PCDH11X: variants seen among roughly 807,000 people sequenced by gnomAD.
The protein encoded by PCDH11X is protocadherin 11 X-linked.
PCDH11X carries 18 observed loss-of-function variants against 53.3 expected under a neutral mutation model. That is an observed-to-expected ratio of 0.34 (90% CI 0.23 to 0.50). PCDH11X has a LOEUF of 0.50. PCDH11X is among the 20% of genes least tolerant of loss of function. The probability of loss-of-function intolerance (pLI) is 0.98; values close to 1 mark genes in which losing one functional copy is unlikely to be tolerated. For synonymous variants in PCDH11X, 279 were observed against 393.3 expected (o/e 0.71, Z 3.44); for missense variants, 570 against 1,032.4 (o/e 0.55, Z 6.14).
chrX:91,811,997 T>A (rs2147561562), intron 4 of PCDH11X, among the ~76,000 whole-genome samples: 1 of 105,465 alleles, frequency 9.5e-6, no homozygotes, highest in South Asian at 4.3e-4. Context: ...AAACCAAATT[T>A]AGAAGTAGTG....
chrX:91,919,769 C>G lies in PCDH11X; in HGVS notation c.3033+40496C>G, dbSNP rs528283473. Among the ~76,000 whole-genome samples, 163 of 110,491 alleles carry G rather than the reference C, an allele frequency of 1.5e-3. 3 individuals carry two copies. The South Asian group carries it at 0.061, about 41-fold the overall frequency. Reference sequence around the variant, plus strand: ...GGTATTTCAATAATAAAAAAATTATCTGGATAAAAAAAGAAAGTAAAAAAA... The same window carrying G: ...GGTATTTCAATAATAAAAAAATTATGTGGATAAAAAAAGAAAGTAAAAAAA... On this transcript the variant is annotated intron_variant, in intron 6 of 10. Coordinates refer to ENST00000682573, the MANE Select transcript of PCDH11X (RefSeq NM_032968.5).
chrX:92,453,150 G>A (rs748655960), intron 9 of PCDH11X, among the ~76,000 whole-genome samples: 1 of 104,921 alleles, frequency 9.5e-6, no homozygotes, highest in South Asian at 4.4e-4. Flanking sequence ...ATATTAATTT[G>A]GGATTATATA....
intron 6 of PCDH11X, among the ~76,000 whole-genome samples, chrX:92,122,927 A>G (rs1480555061): frequency 1.3e-4 from 14 of 110,789 alleles, no homozygotes; most frequent in Middle Eastern, 4.6e-3. Flanking sequence ...ACAGAGCGAC[A>G]CTCCATCTCA....
intron 6 of PCDH11X, among the ~76,000 whole-genome samples, chrX:92,014,591 T>C (rs2062756273): frequency 9.1e-6 from 1 of 110,371 alleles, no homozygotes; most frequent in Admixed American, 9.7e-5. Context: ...CACACGTATG[T>C]TTATTGCGGC....
At chrX:92,389,501 G>T (rs1189479409) in intron 9 of PCDH11X, among the ~76,000 whole-genome samples, 1 of 110,904 alleles carries the variant, frequency 9.0e-6, no homozygotes, top group African/African-American at 3.3e-5. Context: ...TGTACATGAC[G>T]TGTTACTAAG....
intron 6 of PCDH11X, among the ~76,000 whole-genome samples, chrX:92,166,264 A>AT (rs1023463359): frequency 1.9e-4 from 20 of 106,130 alleles, no homozygotes; most frequent in African/African-American, 6.5e-4. Context: ...TGTTGATATA[A>AT]TTTTTTATCA....
chrX:92,092,721 G>T (rs1375024604), intron 6 of PCDH11X, among the ~76,000 whole-genome samples: 1 of 111,653 alleles, frequency 9.0e-6, no homozygotes, highest in Admixed American at 9.5e-5. Context: ...CGAACAGGAG[G>T]CAGATTTGCC....
intron 10 of PCDH11X, among the ~76,000 whole-genome samples, chrX:92,481,994 A>C (rs1199123164): frequency 2.0e-5 from 2 of 99,178 alleles, no homozygotes; most frequent in African/African-American, 7.4e-5. Context: ...CTCCCTCTTC[A>C]GCCCATTTTT....
intron 8 of PCDH11X, among the ~76,000 whole-genome samples, chrX:92,268,126 A>G (rs746633103): frequency 6.2e-5 from 7 of 112,115 alleles, no homozygotes; most frequent in Non-Finnish European, 1.3e-4. Flanking sequence ...TTCTGAAGAG[A>G]TACATTTTCA....
intron 10 of PCDH11X, among the ~76,000 whole-genome samples, chrX:92,469,919 T>A (rs2073228111): frequency 9.2e-6 from 1 of 108,477 alleles, no homozygotes; most frequent in South Asian, 4.0e-4. Context: ...AGTTTTAGAA[T>A]TTTTTTTTCA....
chrX:91,834,174 A>C (rs1420460796), intron 4 of PCDH11X, among the ~76,000 whole-genome samples: 1 of 111,388 alleles, frequency 9.0e-6, no homozygotes, highest in Non-Finnish European at 1.9e-5. Context: ...GAAGCACATT[A>C]GAATGTTTAA....
At chrX:92,310,061 T>C (rs773819125) in intron 8 of PCDH11X, among the ~76,000 whole-genome samples, 1 of 112,256 alleles carries the variant, frequency 8.9e-6, no homozygotes, top group Non-Finnish European at 1.9e-5. Context: ...CTCGGGTTTT[T>C]TTGCTCTGTT....
intron 6 of PCDH11X, among the ~76,000 whole-genome samples, chrX:92,042,587 T>G (rs2148033316): frequency 9.7e-6 from 1 of 102,609 alleles, no homozygotes; most frequent in African/African-American, 3.6e-5. Context: ...TACACACAAA[T>G]AATTATTTGA....
At chrX:92,485,013 A>G (rs2073613063) in intron 10 of PCDH11X, among the ~76,000 whole-genome samples, 1 of 110,739 alleles carries the variant, frequency 9.0e-6, no homozygotes, top group Non-Finnish European at 1.9e-5. Context: ...TTAATTATAC[A>G]TATTCATTTT....
intron 10 of PCDH11X, among the ~76,000 whole-genome samples, chrX:92,566,033 TCTGA>T (rs1319489017): frequency 9.0e-6 from 1 of 111,266 alleles, no homozygotes; most frequent in Non-Finnish European, 1.9e-5. Flanking sequence ...ATGTAGTGAG[TCTGA>T]CTTTGTATAC....
intron 8 of PCDH11X, among the ~76,000 whole-genome samples, chrX:92,264,488 G>T (rs955674569): frequency 2.7e-5 from 3 of 111,369 alleles, no homozygotes; most frequent in African/African-American, 9.8e-5. Context: ...ATGTGTGTGT[G>T]TGTGTATAAA....
At chrX:92,132,202 T>C (rs1302152263) in intron 6 of PCDH11X, among the ~76,000 whole-genome samples, 6 of 88,697 alleles carry the variant, frequency 6.8e-5, no homozygotes, top group Non-Finnish European at 1.1e-4. Flanking sequence ...GGAGAATCAC[T>C]TGAACCCGGG....
At position 91,932,502 on chromosome X, in the gene PCDH11X, AAG is replaced by A. The variant is rs1351303034; in HGVS notation, c.3033+53234_3033+53235del. On this transcript the variant is annotated intron_variant, in intron 6 of 10. Transcript: ENST00000682573. Reference sequence around the variant, plus strand: ...GGGGAGCAAGAGAGGGAAAATTCAAAAGAGAGGCCGAGAGAGAGAAAATGTGT... The same window carrying A: ...GGGGAGCAAGAGAGGGAAAATTCAAAAGAGGCCGAGAGAGAGAAAATGTGT... Among the ~76,000 whole-genome samples, 4 of 100,346 alleles carry A rather than the reference AAG, an allele frequency of 4.0e-5. No individual in the cohort carries two copies. The East Asian group carries it at 1.3e-3, about 33-fold the overall frequency. The allele number at this position is 100,346 out of a possible 115,157, so 87.1% of individuals were successfully genotyped here.
chrX:91,999,776 C>A (rs931116625), intron 6 of PCDH11X, among the ~76,000 whole-genome samples: 11 of 110,044 alleles, frequency 1.0e-4, no homozygotes, highest in African/African-American at 3.3e-4. Context: ...TTTATTCCAA[C>A]AATCTAGCAT....
Sources: gnomAD v4.1 joint callset for allele counts (sites outside exome capture counted in the v4.1 genomes callset) on GRCh38, gnomAD v4.1.1 for gene constraint, MANE v1.5 for transcripts, NCBI Gene and HGNC (gene_info 2026-07-23, HGNC 2026-07-21) for gene names.